PHAF1: variants seen among roughly 807,000 people sequenced by gnomAD.
The protein encoded by PHAF1 is phagophore assembly factor 1, also known as phagosome assembly factor 1.
In PHAF1, 23 loss-of-function variants were observed where a neutral mutation model predicts 63.1. That is an observed-to-expected ratio of 0.36 (90% confidence interval 0.26 to 0.52). The LOEUF (loss-of-function observed/expected upper bound fraction) is 0.52. Among genes scored for constraint, PHAF1 ranks in the 20% least tolerant of loss-of-function variants. The pLI, the probability that PHAF1 is intolerant of heterozygous loss-of-function variation, is 0.93. For missense variants in PHAF1, 427 were observed against 517.2 expected, an observed-to-expected ratio of 0.83 and a Z score of 1.69; for synonymous variants, 167 against 185.0, an observed-to-expected ratio of 0.90 and a Z score of 0.79.
chr16:67,135,316 T>A (rs1299413947), intron 8 of PHAF1: 2 of 152,078 alleles, frequency 1.3e-5, no homozygotes, highest in Non-Finnish European at 2.9e-5. Flanking sequence ...CCCGGCTAAT[T>A]TTTGTATTTT....
intron 8 of PHAF1, among the ~76,000 whole-genome samples, chr16:67,139,342 CCTTTT>C (rs1963716854): frequency 7.1e-6 from 1 of 141,230 alleles, no homozygotes; most frequent in Admixed American, 7.1e-5. Flanking sequence ...AACAGCACTG[CCTTTT>C]TTTTTTTTTT....
intron 2 of PHAF1, among the ~76,000 whole-genome samples, chr16:67,123,310 C>T (rs1224550858): frequency 2.0e-5 from 3 of 151,982 alleles, no homozygotes; most frequent in African/African-American, 7.3e-5. Flanking sequence ...GGTGCAGTGG[C>T]TCATGCCTTT....
At position 67,140,096 on chromosome 16, in the gene PHAF1, C is replaced by T. The variant is rs1039130165; in HGVS notation, c.774C>T (p.Val258=). The T allele has an allele frequency of 9.3e-6, 15 of 1,614,116 alleles. No individual in the cohort carries two copies. The highest frequency in any genetic ancestry group is 2.2e-5 in the East Asian group (1 of 44,884). The change falls in exon 9 of 16, where the codon GTC becomes GTT. Residue 258 remains valine, a synonymous_variant. Transcript: ENST00000219139. ...VLSMLGSPHK[V]FYKSEDKMKI... is the part of the protein sequence containing the mutation. ...GCATGCTTGGCTCTCCACACAAAGT[C>T]TTCTATAAATCAGAAGACAAGGTAG...
intron 8 of PHAF1, among the ~76,000 whole-genome samples, chr16:67,137,176 G>T (rs897883107): frequency 4.6e-5 from 7 of 151,868 alleles, no homozygotes; most frequent in Non-Finnish European, 8.8e-5. Context: ...AAAAGAATCT[G>T]GTATATGAAC....
chr16:67,118,056 G>A (rs1962812733), intron 1 of PHAF1, among the ~76,000 whole-genome samples: 1 of 148,576 alleles, frequency 6.7e-6, no homozygotes, highest in East Asian at 2.0e-4. Flanking sequence ...CCAGGTTCAT[G>A]CCATTCTCCT....
At chr16:67,140,705 CCT>C (rs1319293428) in intron 10 of PHAF1, 111 bp downstream of exon 10, 3 of 876,642 alleles carry the variant, frequency 3.4e-6, no homozygotes. Context: ...CATTGGGGAA[CCT>C]AGCCCCAGCT....
intron 10 of PHAF1, among the ~76,000 whole-genome samples, chr16:67,142,959 T>C (rs539262181): frequency 6.6e-6 from 1 of 152,342 alleles, no homozygotes; most frequent in East Asian, 1.9e-4. Context: ...GAGAATGGAC[T>C]GGCCTCAGTA....
At chr16:67,124,385 A>C (rs1003814786) in intron 2 of PHAF1, among the ~76,000 whole-genome samples, 1 of 152,230 alleles carries the variant, frequency 6.6e-6, no homozygotes, top group Non-Finnish European at 1.5e-5. Context: ...TTTGCCAAGC[A>C]TGATGGTACT....
At chr16:67,123,287 A>G (rs1158216404) in intron 2 of PHAF1, among the ~76,000 whole-genome samples, 2 of 151,884 alleles carry the variant, frequency 1.3e-5, no homozygotes, top group Middle Eastern at 3.2e-3. Context: ...ATTAAAAAAA[A>G]AAAATTTGGC....
chr16:67,145,912 G>C (rs557602488), intron 14 of PHAF1, among the ~76,000 whole-genome samples: 1 of 152,262 alleles, frequency 6.6e-6, no homozygotes, highest in African/African-American at 2.4e-5. Flanking sequence ...AGGAGGGCTT[G>C]GCTGGCTGGC....
chr16:67,130,697 CA>C (rs1199416325), intron 3 of PHAF1, among the ~76,000 whole-genome samples: 1 of 152,144 alleles, frequency 6.6e-6, no homozygotes, highest in East Asian at 1.9e-4. Context: ...TAAAATGCAG[CA>C]AAATATGAGA....
At chr16:67,140,177 G>C (rs45541139) in intron 9 of PHAF1, 60 bp downstream of exon 9, 9 of 1,543,132 alleles carry the variant, frequency 5.8e-6, no homozygotes, top group South Asian at 1.2e-5. Flanking sequence ...TTAATATTGA[G>C]TATAAACTGT....
At chr16:67,131,199 T>TTTAATATTTATTCTATAAA in intron 3 of PHAF1, 87 bp from the exon 4 acceptor site, 1 of 545,304 alleles carries the variant, frequency 1.8e-6, no homozygotes, top group Non-Finnish European at 3.0e-6. Flanking sequence ...TTTTTTTTTT[T>TTTAATATTTATTCTATAAA]TACTATTTAT....
At chr16:67,142,684 G>T (rs1022915473) in intron 10 of PHAF1, among the ~76,000 whole-genome samples, 16 of 152,236 alleles carry the variant, frequency 1.1e-4, no homozygotes, top group Non-Finnish European at 7.3e-5. Flanking sequence ...CGGGGCAAGG[G>T]GCCTTCTGGG....
In PHAF1 at chr16:67,134,681, T is replaced by A. The variant is rs574637648; in HGVS notation, c.661+214T>A. The A allele has an allele frequency of 2.9e-4, 191 of 658,020 alleles. 3 individuals carry two copies. In the Middle Eastern group the frequency reaches 6.3e-3, roughly 22 times the overall value. The allele number at this position is 658,020 out of a possible 1,614,324, so 40.8% of individuals were successfully genotyped here. On this transcript the variant is annotated intron_variant, in intron 8 of 15. Coordinates refer to ENST00000219139, the MANE Select transcript of PHAF1 (RefSeq NM_025187.5). ...GGCACTGGCAGATTCAGTATCTGGA[T>A]GCGCCTGCAGTCTAGTTCATAGAAG...
At chr16:67,116,356 A>G (rs1326007387) in intron 1 of PHAF1, among the ~76,000 whole-genome samples, 1 of 152,208 alleles carries the variant, frequency 6.6e-6, no homozygotes, top group Admixed American at 6.5e-5. Context: ...TTAAATGTAG[A>G]TGAGCCATGA....
chr16:67,145,600 C>G lies in PHAF1; in HGVS notation c.1081C>G (p.Pro361Ala), dbSNP rs375072630. ...CAACATCCAGGAGCTCCTGGGCCAC[C>G]CTGTGGAGAAGCCTGTTGTCCTGCA... The part of the protein sequence containing the change: ...WDNIQELLGH[P>A]VEKPVVLHRS... Residue 361 changes from proline to alanine, a missense_variant, in exon 14 of 16, where the codon CCT (proline) becomes GCT (alanine). Transcript: ENST00000219139. 3 of 1,613,916 alleles carry G rather than the reference C, an allele frequency of 1.9e-6. No homozygotes were observed. Among genetic ancestry groups the G allele is most frequent in the African/African-American group, 2.7e-5 (2 of 74,906 alleles).
At chr16:67,121,569 ATTAAT>A (rs1260272061) in intron 2 of PHAF1, among the ~76,000 whole-genome samples, 4 of 150,812 alleles carry the variant, frequency 2.7e-5, no homozygotes, top group African/African-American at 9.7e-5. Flanking sequence ...CGTTAATTAA[ATTAAT>A]TTATTTACTT....
At chr16:67,145,519 A>G (rs1420764399) in intron 13 of PHAF1, 51 bp from the exon 14 acceptor site, 4 of 1,613,038 alleles carry the variant, frequency 2.5e-6, no homozygotes, top group Non-Finnish European at 3.4e-6. Flanking sequence ...CATTGGTCAC[A>G]GACATGTTCA....
Sources: allele counts gnomAD v4.1 joint callset (sites outside exome capture counted in the v4.1 genomes callset), GRCh38; gene constraint gnomAD v4.1.1; transcripts MANE v1.5; gene names NCBI Gene and HGNC (gene_info 2026-07-23, HGNC 2026-07-21).